DYSF: variants seen among roughly 807,000 people sequenced by gnomAD.
DYSF encodes the protein dysferlin, also known as dystrophy-associated fer-1-like 1.
A neutral mutation model predicts 274.9 loss-of-function variants in DYSF; 212 were observed. The observed-to-expected ratio is 0.77, with a 90% CI of 0.69 to 0.86. The LOEUF (loss-of-function observed/expected upper bound fraction) is 0.86. Among genes scored for constraint, DYSF ranks in the 40% least tolerant of loss-of-function variants. The pLI is 0.00. For missense variants in DYSF, 2,666 were observed against 2,783.2 expected (o/e 0.96, Z 0.95); for synonymous variants, 1,091 against 1,078.7 (o/e 1.01, Z -0.22).
intron 3 of DYSF, among the ~76,000 whole-genome samples, chr2:71,483,591 G>T (rs559201309): frequency 5.3e-5 from 8 of 152,228 alleles, no homozygotes; most frequent in Admixed American, 3.3e-4. Context: ...TGAGAGGGGG[G>T]TCTCCAATGC....
chr2:71,634,883 C>G (rs1233861830), intron 41 of DYSF, among the ~76,000 whole-genome samples: 1 of 152,156 alleles, frequency 6.6e-6, no homozygotes, highest in Non-Finnish European at 1.5e-5. Context: ...ATTTCAGCCC[C>G]CAAATCCTTC....
At chr2:71,564,937 G>A (rs1574022035) in intron 24 of DYSF, among the ~76,000 whole-genome samples, 1 of 152,208 alleles carries the variant, frequency 6.6e-6, no homozygotes, top group Non-Finnish European at 1.5e-5. Context: ...TGTGGTCATG[G>A]TGTGGCCTGG....
At chr2:71,486,868 G>A (rs1320473667) in intron 3 of DYSF, among the ~76,000 whole-genome samples, 4 of 152,184 alleles carry the variant, frequency 2.6e-5, no homozygotes, top group Admixed American at 6.5e-5. Flanking sequence ...CTGTTTACTC[G>A]AGGCTTCTCA....
intron 3 of DYSF, among the ~76,000 whole-genome samples, chr2:71,500,238 C>T (rs2084839525): frequency 6.6e-6 from 1 of 152,144 alleles, no homozygotes; most frequent in Admixed American, 6.5e-5. Context: ...GGTCCCTCTT[C>T]TGCGCCCCCC....
At chr2:71,470,673 CAAAAAAAAA>C (rs776955310) in intron 1 of DYSF, among the ~76,000 whole-genome samples, 1 of 57,702 alleles carries the variant, frequency 1.7e-5, no homozygotes, top group African/African-American at 8.2e-5. Context: ...GACTCCATCT[CAAAAAAAAA>C]AAAAAAAAAA....
intron 35 of DYSF, among the ~76,000 whole-genome samples, chr2:71,602,502 C>T (rs1052991375): frequency 3.3e-5 from 5 of 152,176 alleles, no homozygotes; most frequent in Admixed American, 1.3e-4. Context: ...AGATTCCTGG[C>T]GTCCAGGCTT....
At chr2:71,621,406 G>C (rs2094095927) in intron 41 of DYSF, among the ~76,000 whole-genome samples, 1 of 151,872 alleles carries the variant, frequency 6.6e-6, no homozygotes, top group Admixed American at 6.6e-5. Flanking sequence ...ATAAAATATG[G>C]AAAACACAAA....
At chr2:71,602,978 G>A (rs1395652662) in intron 36 of DYSF, among the ~76,000 whole-genome samples, 173 bp downstream of exon 36, 1 of 152,224 alleles carries the variant, frequency 6.6e-6, no homozygotes, top group Non-Finnish European at 1.5e-5. Context: ...GGGCTGCCCA[G>A]AGTGTGTCCT....
intron 41 of DYSF, among the ~76,000 whole-genome samples, chr2:71,634,768 T>A (rs1198941439): frequency 6.6e-6 from 1 of 152,128 alleles, no homozygotes. Flanking sequence ...GCTTCCATAA[T>A]GTCATGACCT....
At chr2:71,515,024 G>C (rs1198967945) in intron 7 of DYSF, among the ~76,000 whole-genome samples, 1 of 151,436 alleles carries the variant, frequency 6.6e-6, no homozygotes, top group Non-Finnish European at 1.5e-5. Context: ...AGTGGAGCCA[G>C]TAAATATCTT....
chr2:71,601,218 C>T (rs531503619), intron 34 of DYSF: 2 of 599,546 alleles, frequency 3.3e-6, no homozygotes, highest in South Asian at 4.0e-5. Flanking sequence ...CCAGCCACTC[C>T]CCTGCTGTAA....
chr2:71,575,572 C>T (rs561914901), intron 30 of DYSF, among the ~76,000 whole-genome samples: 1 of 152,080 alleles, frequency 6.6e-6, no homozygotes. Flanking sequence ...TGTTCTGTGG[C>T]CCCCTCTGCT....
chr2:71,605,702 G>T (rs1420202888), intron 36 of DYSF, among the ~76,000 whole-genome samples: 1 of 152,098 alleles, frequency 6.6e-6, no homozygotes, highest in Non-Finnish European at 1.5e-5. Flanking sequence ...AGGCTGCAGG[G>T]TATATGGCTT....
At position 71,502,079 on chromosome 2, in the gene DYSF, C is replaced by CTGTGTG. The variant is rs71402986; in HGVS notation, c.240-1097_240-1092dup. On this transcript the variant is annotated intron_variant, in intron 3 of 55. Coordinates refer to ENST00000410020, the MANE Select transcript of DYSF (RefSeq NM_001130987.2). Reference sequence around the variant, plus strand: ...ACTTGTGATTTTTCTCTCCATGACTCTGTGTGTGTGTGTGTGTGTGTGTGT... The same window carrying CTGTGTG: ...ACTTGTGATTTTTCTCTCCATGACTCTGTGTGTGTGTGTGTGTGTGTGTGTGTGTGT... 4.8e-3 allele frequency among the ~76,000 whole-genome samples: 691 copies of CTGTGTG among 143,900 alleles called. 2 individuals carry two copies. Among genetic ancestry groups the CTGTGTG allele is most frequent in the Middle Eastern group, 0.021 (6 of 282 alleles). 94.4% of individuals were successfully genotyped at this position (143,900 alleles called of 152,430 possible).
chr2:71,589,639 C>CCTTGAG lies in DYSF; in HGVS notation c.3453_3458dup (p.Leu1151_Ser1152dup), dbSNP rs769946267. ...AGTGAAGATTCCATGTCCGTCTCCA[C>CCTTGAG]CTTGAGCTTCGGTGTGAACAGACCC... On this transcript the variant is annotated inframe_insertion, in exon 31 of 56. Coordinates refer to ENST00000410020, the MANE Select transcript of DYSF (RefSeq NM_001130987.2). 2 of 1,614,150 alleles carry CCTTGAG rather than the reference C, an allele frequency of 1.2e-6. No individual in the cohort carries two copies. Among genetic ancestry groups the CCTTGAG allele is most frequent in the South Asian group, 1.1e-5 (1 of 91,082 alleles).
intron 23 of DYSF, among the ~76,000 whole-genome samples, chr2:71,562,292 C>T (rs1370462702): frequency 6.6e-6 from 1 of 152,146 alleles, no homozygotes; most frequent in Non-Finnish European, 1.5e-5. Flanking sequence ...CCCCAGGTTC[C>T]CGACTCCTAC....
At chr2:71,541,071 C>G (rs1240279647) in intron 17 of DYSF, among the ~76,000 whole-genome samples, 1 of 152,098 alleles carries the variant, frequency 6.6e-6, no homozygotes, top group Non-Finnish European at 1.5e-5. Flanking sequence ...GGGCCTGTTC[C>G]TCTATTATCT....
intron 30 of DYSF, among the ~76,000 whole-genome samples, chr2:71,582,541 A>G (rs545415249): frequency 6.6e-6 from 1 of 152,330 alleles, no homozygotes; most frequent in African/African-American, 2.4e-5. Flanking sequence ...TGTACACTAC[A>G]TCATCATGTT....
intron 41 of DYSF, among the ~76,000 whole-genome samples, chr2:71,631,423 C>T (rs556554144): frequency 4.3e-4 from 66 of 152,316 alleles, no homozygotes; most frequent in Middle Eastern, 3.4e-3. Flanking sequence ...AACTGTACTT[C>T]TTTAAAAATA....
Sources: allele counts gnomAD v4.1 joint callset (sites outside exome capture counted in the v4.1 genomes callset), GRCh38; gene constraint gnomAD v4.1.1; transcripts MANE v1.5; gene names NCBI Gene and HGNC (gene_info 2026-07-23, HGNC 2026-07-21).